Variants in ABCA9 observed in about 807,000 individuals in gnomAD.
ABCA9 encodes ATP binding cassette subfamily A member 9, also known as ATP-binding cassette sub-family A member 9.
ABCA9 carries 183 observed loss-of-function variants against 205.3 expected under a neutral mutation model. The observed-to-expected ratio is 0.89, with a 90% CI of 0.79 to 1.01. The LOEUF is 1.01. ABCA9 is among the 50% of genes least tolerant of loss of function. The pLI, the probability that ABCA9 is intolerant of heterozygous loss-of-function variation, is 0.00. For synonymous variants in ABCA9, 651 were observed against 683.3 expected (o/e 0.95, Z 0.74); for missense variants, 1,805 against 1,912.4 (o/e 0.94, Z 1.05).
intron 22 of ABCA9, among the ~76,000 whole-genome samples, chr17:69,015,528 C>A (rs1453174732): frequency 3.9e-5 from 6 of 152,114 alleles, no homozygotes; most frequent in African/African-American, 1.4e-4. Flanking sequence ...GTCCCCAGAT[C>A]TAATAAAGCT....
At chr17:69,068,162 G>A in the ABCA9 span, among the ~76,000 whole-genome samples, 54 of 152,068 alleles carry the variant, frequency 3.6e-4, no homozygotes, top group Non-Finnish European at 4.7e-4. Flanking sequence ...AACATTCAAC[G>A]GAAACTTCAA....
At chr17:69,074,335 G>T in the ABCA9 span, among the ~76,000 whole-genome samples, 2 of 151,990 alleles carry the variant, frequency 1.3e-5, no homozygotes, top group African/African-American at 4.8e-5. Flanking sequence ...GCTGTGTTTG[G>T]GATACAAATG....
intron 10 of ABCA9, among the ~76,000 whole-genome samples, chr17:69,031,634 C>T (rs941561745): frequency 2.0e-5 from 3 of 152,188 alleles, no homozygotes; most frequent in Admixed American, 2.0e-4. Flanking sequence ...TCTGATGTTT[C>T]CTTCCCATCT....
chr17:69,036,783 C>T (rs751583296), intron 6 of ABCA9, among the ~76,000 whole-genome samples: 3 of 144,130 alleles, frequency 2.1e-5, no homozygotes, highest in African/African-American at 5.1e-5. Flanking sequence ...CATTTGTGTG[C>T]CGTATTCAAG....
rs138716502 is a variant in ABCA9 at position 69,008,142 on chromosome 17, T to A, written c.3241A>T (p.Ile1081Phe). The A allele has an allele frequency of 1.3e-3, 2,062 of 1,613,374 alleles. 4 individuals are homozygous for A. Among genetic ancestry groups the A allele is most frequent in the Admixed American group, 2.6e-3 (159 of 60,012 alleles). ...TCCATTATTTGCATTAGCAGGAGGA[T>A]CAAAAAGTACAGGGAAACATCCACC... is the stretch of plus-strand genomic sequence containing the variant. ...ALVDVSLYFL[I>F]LLLMQIMDYI... The change falls in exon 24 of 39, where the codon ATC (isoleucine) becomes TTC (phenylalanine). Residue 1081 changes from isoleucine to phenylalanine, a missense_variant. Physicochemically the swap from Ile to Phe is conservative, Grantham distance 21. Coordinates refer to ENST00000340001, the MANE Select transcript of ABCA9 (RefSeq NM_080283.4).
At chr17:69,022,494 TTGTGTGTGTGTGTGTGTGTGTGTGTA>T (rs1242664967) in intron 17 of ABCA9, 4 of 147,406 alleles carry the variant, frequency 2.7e-5, no homozygotes, top group East Asian at 2.0e-4. Context: ...CTGGCTAATT[TTGTGTGTGTGTGTGTGTGTGTGTGTA>T]TGTGTGTGTG....
rs573167951 is a variant in ABCA9, at chr17:69,053,393, T to G, written c.-13-2254A>C. Among the ~76,000 whole-genome samples, 5 of 152,270 alleles carry G rather than the reference T, an allele frequency of 3.3e-5. No homozygotes were observed. In the South Asian group the frequency reaches 1.0e-3, roughly 32 times the overall value. ...CCCATCACCCCTATGACTCAGGAAA[T>G]TACAAGGGTTTTAGAGGTTTTGTGC... On this transcript the variant is annotated intron_variant, in intron 1 of 38. Transcript: ENST00000340001.
At chr17:68,978,443 T>C (rs576607231) in intron 37 of ABCA9, among the ~76,000 whole-genome samples, 89 of 152,336 alleles carry the variant, frequency 5.8e-4, no homozygotes, top group African/African-American at 2.0e-3. Context: ...CTGTGTCTTT[T>C]AATTGGAGCA....
At chr17:69,016,123 T>TATATATATATAC (rs1270372994) in intron 22 of ABCA9, 130 bp downstream of exon 22, 3 of 102,278 alleles carry the variant, frequency 2.9e-5, no homozygotes, top group African/African-American at 9.0e-5. Context: ...TATATATATA[T>TATATATATATAC]ACACACACAC....
rs1208368593 is a variant in ABCA9, at chr17:68,985,145, C to T, written c.4209-17G>A. The stretch of plus-strand genomic sequence containing the variant: ...TCCACTAACCTGAAGAAAACAGAGT[C>T]AATCCACATAATCCCAACACTGGCG... On this transcript the variant is annotated splice_polypyrimidine_tract_variant and intron_variant, in intron 32 of 38. Coordinates refer to ENST00000340001, the MANE Select transcript of ABCA9 (RefSeq NM_080283.4). 6.2e-7 allele frequency: 1 copy of T among 1,609,242 alleles called. No individual in the cohort carries two copies. The highest frequency in any genetic ancestry group is 1.7e-5 in the Admixed American group (1 of 59,894).
chr17:68,979,452 C>T (rs1194752544), intron 37 of ABCA9, among the ~76,000 whole-genome samples: 1 of 152,040 alleles, frequency 6.6e-6, no homozygotes, highest in South Asian at 2.1e-4. Flanking sequence ...TCATATGGAA[C>T]CAAAAAAGAG....
intron 37 of ABCA9, 61 bp from the exon 38 acceptor site, chr17:68,976,251 T>C: frequency 1.4e-6 from 2 of 1,389,802 alleles, no homozygotes; most frequent in Non-Finnish European, 2.0e-6. Context: ...TTTTACCAAG[T>C]AACAAACCAA....
rs764020050 is a variant in ABCA9, at chr17:69,049,296, G to T, written c.291C>A (p.Ala97=). The part of the protein sequence containing the change: ...TQEIMNKVAS[A]PFLKGRTIMG... Reference sequence around the variant, plus strand: ...CAGGGAACATACCTTTTAGGAATGGGGCTGAAGCCACTTTGTTCATTATCT... The same window carrying T: ...CAGGGAACATACCTTTTAGGAATGGTGCTGAAGCCACTTTGTTCATTATCT... Residue 97 remains alanine, a synonymous_variant, in exon 3 of 39, where the codon GCC becomes GCA. Transcript: ENST00000340001. 2.5e-6 allele frequency: 4 copies of T among 1,612,120 alleles called. No homozygotes were observed. Among genetic ancestry groups the T allele is most frequent in the Non-Finnish European group, 3.4e-6 (4 of 1,178,952 alleles).
intron 3 of ABCA9, among the ~76,000 whole-genome samples, chr17:69,048,280 G>T (rs960545919): frequency 2.0e-5 from 3 of 152,170 alleles, no homozygotes; most frequent in African/African-American, 7.2e-5. Flanking sequence ...TTCCACTTAT[G>T]CATCATGTCA....
Position 69,020,563 on chromosome 17 carries a change from G to T in ABCA9, c.2425C>A (p.Gln809Lys). Residue 809 changes from glutamine (Q) to lysine (K), a missense_variant, in exon 19 of 39, where the codon CAA (glutamine) becomes AAA (lysine). Physicochemically the swap from Gln to Lys is moderately conservative, Grantham distance 53. Coordinates refer to ENST00000340001, the MANE Select transcript of ABCA9 (RefSeq NM_080283.4). The part of the protein sequence containing the change: ...ESDIGIWGQL[Q>K]TDGAKDIGSL... ...CCTATATCTTTTGCCCCATCAGTTT[G>T]TAATTGTCCCCAAATTCCAATATCT... 6.2e-7 allele frequency: 1 copy of T among 1,613,740 alleles called. No homozygotes were observed. Among genetic ancestry groups the T allele is most frequent in the Non-Finnish European group, 8.5e-7 (1 of 1,179,820 alleles).
intron 25 of ABCA9, among the ~76,000 whole-genome samples, chr17:69,000,154 G>T (rs376998516): frequency 2.0e-5 from 3 of 151,772 alleles, no homozygotes; most frequent in Admixed American, 6.6e-5. Flanking sequence ...GTCAATTTTG[G>T]CTTTGGTTGC....
chr17:68,992,459 A>G, intron 27 of ABCA9, 193 bp from the exon 28 acceptor site: 2 of 414,608 alleles, frequency 4.8e-6, no homozygotes, highest in East Asian at 8.3e-5. Flanking sequence ...AGAGAGCCTA[A>G]CAGAAATATA....
Position 69,027,811 on chromosome 17 carries a change from T to C in ABCA9, c.1620A>G (p.Ser540=), listed in dbSNP as rs751351244. Residue 540 remains serine (S), a synonymous_variant, in exon 13 of 39, where the codon TCA becomes TCG. Coordinates refer to ENST00000340001, the MANE Select transcript of ABCA9 (RefSeq NM_080283.4). ...AAAGTGTGTGATTATAGACAGTGAC[T>C]GAACCTGAAAGCAGAAGGCAGAGAG... ...LSGLSVPTSG[S]VTVYNHTLSR... The C allele has an allele frequency of 8.1e-6, 13 of 1,602,174 alleles. No individual in the cohort carries two copies. The Admixed American group carries it at 2.3e-4, about 28-fold the overall frequency.
At chr17:68,999,196 T>C (rs997646751) in intron 25 of ABCA9, among the ~76,000 whole-genome samples, 2 of 149,070 alleles carry the variant, frequency 1.3e-5, no homozygotes, top group Non-Finnish European at 3.0e-5. Context: ...TACATACGTA[T>C]ACATGTGCCA....
Sources: gnomAD v4.1 joint callset for allele counts (sites outside exome capture counted in the v4.1 genomes callset) on GRCh38, gnomAD v4.1.1 for gene constraint, MANE v1.5 for transcripts, NCBI Gene and HGNC (gene_info 2026-07-23, HGNC 2026-07-21) for gene names.